PDZD2: variants seen among roughly 807,000 people sequenced by gnomAD.
The protein encoded by PDZD2 is PDZ domain-containing protein 2.
Under a neutral mutation model 220.7 loss-of-function variants are expected in PDZD2, and 90 were observed. The ratio of observed to expected loss-of-function variants is 0.41; its 90% CI spans 0.34 to 0.49. PDZD2 has a LOEUF of 0.49. Ranked by LOEUF, PDZD2 falls within the 20% of genes least tolerant of loss-of-function variation. PDZD2 has a pLI of 0.28. For synonymous variants in PDZD2, 1,375 were observed against 1,450.5 expected, an observed-to-expected ratio of 0.95 and a Z score of 1.18; for missense variants, 3,174 against 3,608.5, an observed-to-expected ratio of 0.88 and a Z score of 3.08.
chr5:31,893,907 A>G (rs10599494), intron 2 of PDZD2, among the ~76,000 whole-genome samples: 13,004 of 123,896 alleles, frequency 0.1, 657 homozygotes, highest in East Asian at 0.33. Context: ...TTATTTATTT[A>G]TTTTGAGACG....
chr5:31,678,725 G>T (rs964079648), intron 1 of PDZD2, among the ~76,000 whole-genome samples: 1 of 152,072 alleles, frequency 6.6e-6, no homozygotes, highest in Admixed American at 6.6e-5. Context: ...TCCCACCTCA[G>T]CCTCTCGAGT....
chr5:31,752,235 T>C (rs986028257), intron 1 of PDZD2, among the ~76,000 whole-genome samples: 4 of 151,670 alleles, frequency 2.6e-5, no homozygotes, highest in African/African-American at 9.7e-5. Context: ...TGTGCCACCA[T>C]GCCCGGCTAG....
intron 2 of PDZD2, among the ~76,000 whole-genome samples, chr5:31,978,322 C>T (rs1275817488): frequency 6.6e-6 from 1 of 151,884 alleles, no homozygotes; most frequent in East Asian, 1.9e-4. Context: ...GAAAAAGGGA[C>T]TTGAATGTAT....
At chr5:31,645,695 T>C (rs915392516) in intron 1 of PDZD2, among the ~76,000 whole-genome samples, 54 of 152,266 alleles carry the variant, frequency 3.5e-4, no homozygotes, top group Middle Eastern at 3.4e-3. Context: ...CCCTAGACTT[T>C]ATCATCCAAG....
intron 1 of PDZD2, among the ~76,000 whole-genome samples, chr5:31,643,097 A>G (rs761887299): frequency 1.6e-4 from 25 of 152,302 alleles, no homozygotes; most frequent in Middle Eastern, 6.8e-3. Flanking sequence ...AGGAATCGAA[A>G]GAGGTACTAA....
rs1350578380 is a variant in PDZD2 at position 32,074,538 on chromosome 5, C to A, written c.3432C>A (p.Asn1144Lys). 30 of 1,613,942 alleles carry A rather than the reference C, an allele frequency of 1.9e-5. No homozygotes were observed. The highest frequency in any genetic ancestry group is 2.5e-5 in the Non-Finnish European group (30 of 1,179,934). ...EAKPSGSQTVNLTGRANDPCD... is the reference protein window; with the variant it reads ...EAKPSGSQTVKLTGRANDPCD... ...AGCCCAGTGGCTCACAGACAGTGAACCTGACTGGCAGAGCCAATGATCCAT... is the reference window on the plus strand; with the variant it reads ...AGCCCAGTGGCTCACAGACAGTGAAACTGACTGGCAGAGCCAATGATCCAT... The change falls in exon 18 of 25, where the codon AAC (asparagine) becomes AAA (lysine). Residue 1144 changes from asparagine (N) to lysine (K), a missense_variant. Asn to Lys is a moderately conservative substitution (Grantham distance 94). Around this residue, in one of 4 missense-constraint regions of PDZD2, gnomAD observed 1,861 missense variants for 2,001.0 expected, o/e 0.93. Coordinates refer to ENST00000438447, the MANE Select transcript of PDZD2 (RefSeq NM_178140.4).
In PDZD2 at chr5:31,799,632, C is replaced by T. The variant is rs1226763630; in HGVS notation, c.384C>T (p.Ser128=). The T allele has an allele frequency of 2.5e-6, 4 of 1,613,944 alleles. No homozygotes were observed. In the Admixed American group the frequency reaches 6.7e-5, roughly 27 times the overall value. The change falls in exon 2 of 25, where the codon AGC becomes AGT. Residue 128 remains serine, a synonymous_variant. Coordinates refer to ENST00000438447, the MANE Select transcript of PDZD2 (RefSeq NM_178140.4). Reference sequence around the variant, plus strand: ...GGGTGACAGAGCTGAGGAAGAACAGCCCAGCAGGGAAGAGTGGGAAGGTCC... The same window carrying T: ...GGGTGACAGAGCTGAGGAAGAACAGTCCAGCAGGGAAGAGTGGGAAGGTCC... ...CIWVTELRKN[S]PAGKSGKVRL... is the part of the protein sequence containing the mutation.
rs1313382923 is a variant in PDZD2, at chr5:32,108,613, A to G, written c.*478A>G. 1 of 152,906 alleles carries G rather than the reference A, an allele frequency of 6.5e-6. No individual in the cohort carries two copies. The highest frequency in any genetic ancestry group is 1.9e-4 in the East Asian group (1 of 5,212). The allele number at this position is 152,906 out of a possible 1,614,324, so 9.5% of individuals were successfully genotyped here. A position where few individuals can be genotyped will look rare whatever the true frequency, so the allele number is the denominator to read the frequency against. ...TAAATGACAGAATGCTTTTAGGCAC[A>G]TTCAATGGAAGGAGGAGATGTAGGT... On this transcript the variant is annotated 3_prime_UTR_variant, in exon 25 of 25. Transcript: ENST00000438447.
At chr5:32,076,611 A>G (rs988880623) in intron 18 of PDZD2, among the ~76,000 whole-genome samples, 1 of 152,196 alleles carries the variant, frequency 6.6e-6, no homozygotes, top group African/African-American at 2.4e-5. Flanking sequence ...TTTATTTACT[A>G]CTTGATTTAA....
intron 23 of PDZD2, 120 bp from the exon 24 acceptor site, chr5:32,100,985 G>A (rs749303408): frequency 1.0e-5 from 16 of 1,595,282 alleles, no homozygotes; most frequent in Non-Finnish European, 1.3e-5. Context: ...CCCCAGGGTA[G>A]ATGGGACTTG....
rs34901917 is a variant in PDZD2, at chr5:31,802,919, C to CAAA, written c.476+3215_476+3217dup. ...TGGGCGACAGAGCAAGACTCTGTCT[C>CAAA]AAAAAAAAAAAAAAAAAAAAAAGAC... On this transcript the variant is annotated intron_variant, in intron 2 of 24. Transcript: ENST00000438447. Among the ~76,000 whole-genome samples the CAAA allele has an allele frequency of 8.1e-3, 452 of 55,748 alleles. 24 individuals carry two copies. Among genetic ancestry groups the CAAA allele is most frequent in the African/African-American group, 0.027 (381 of 14,172 alleles). 36.6% of individuals were successfully genotyped at this position (55,748 alleles called of 152,430 possible). A position where few individuals can be genotyped will look rare whatever the true frequency, so the allele number is the denominator to read the frequency against.
intron 21 of PDZD2, among the ~76,000 whole-genome samples, chr5:32,095,720 CT>C (rs375848265): frequency 1.1e-3 from 139 of 126,934 alleles, no homozygotes; most frequent in African/African-American, 3.0e-3. Context: ...GCCTCATTTT[CT>C]TTTTTTTTTT....
intron 2 of PDZD2, among the ~76,000 whole-genome samples, chr5:31,930,713 T>G (rs1389178936): frequency 6.6e-6 from 1 of 151,964 alleles, no homozygotes; most frequent in Non-Finnish European, 1.5e-5. Context: ...TAGTCTAGAG[T>G]CAAGGCCCTA....
intron 1 of PDZD2, among the ~76,000 whole-genome samples, chr5:31,651,996 T>TTC (rs1745370286): frequency 6.7e-6 from 1 of 148,170 alleles, no homozygotes; most frequent in African/African-American, 2.5e-5. Context: ...ATTTTTGTAT[T>TTC]TTTTTTTTTT....
intron 1 of PDZD2, among the ~76,000 whole-genome samples, chr5:31,659,041 G>A (rs1745665008): frequency 6.6e-6 from 1 of 152,080 alleles, no homozygotes; most frequent in African/African-American, 2.4e-5. Flanking sequence ...CTGCCTCCCA[G>A]TGAATCTTTT....
At chr5:31,886,838 C>T (rs893246047) in intron 2 of PDZD2, among the ~76,000 whole-genome samples, 25 of 152,150 alleles carry the variant, frequency 1.6e-4, no homozygotes, top group African/African-American at 5.6e-4. Flanking sequence ...GCTGGCACTA[C>T]AGGCGCCTGC....
chr5:31,800,439 A>G (rs1284021310), intron 2 of PDZD2, among the ~76,000 whole-genome samples: 1 of 152,188 alleles, frequency 6.6e-6, no homozygotes, highest in Non-Finnish European at 1.5e-5. Flanking sequence ...TCATGTAAAC[A>G]TGGAGTACCT....
chr5:31,874,496 C>T (rs1376336542), intron 2 of PDZD2, among the ~76,000 whole-genome samples: 1 of 152,090 alleles, frequency 6.6e-6, no homozygotes. Flanking sequence ...TGTGGTGGCT[C>T]ACACCTGTAA....
chr5:31,740,305 G>A (rs1449317620), intron 1 of PDZD2, among the ~76,000 whole-genome samples: 1 of 151,722 alleles, frequency 6.6e-6, no homozygotes, highest in Non-Finnish European at 1.5e-5. Flanking sequence ...CAGATCACAA[G>A]GTTAGGAGAT....
Sources: allele counts gnomAD v4.1 joint callset (sites outside exome capture counted in the v4.1 genomes callset), GRCh38; gene constraint gnomAD v4.1.1; regional missense constraint gnomAD v4.1.1; transcripts MANE v1.5; gene names NCBI Gene and HGNC (gene_info 2026-07-23, HGNC 2026-07-21).